Variants in MPHOSPH10 observed in about 807,000 individuals in gnomAD.
MPHOSPH10 encodes U3 small nucleolar ribonucleoprotein MPP10.
A neutral mutation model predicts 77.3 loss-of-function variants in MPHOSPH10; 33 were observed. That is an observed-to-expected ratio of 0.43 (90% confidence interval 0.32 to 0.57). MPHOSPH10 has a LOEUF of 0.57. Among genes scored for constraint, MPHOSPH10 ranks in the 20% least tolerant of loss-of-function variants. MPHOSPH10 has a pLI of 0.07. For missense variants in MPHOSPH10, 708 were observed against 780.1 expected (o/e 0.91, Z 1.10); for synonymous variants, 245 against 268.0 (o/e 0.91, Z 0.84).
chr2:71,143,975 G>T (rs886639548), intron 7 of MPHOSPH10, among the ~76,000 whole-genome samples: 6 of 152,178 alleles, frequency 3.9e-5, no homozygotes, highest in African/African-American at 1.2e-4. Flanking sequence ...GGGTCAGATG[G>T]TAATTCTCTG....
chr2:71,130,819 T>A, intron 1 of MPHOSPH10, 65 bp downstream of exon 1: 1 of 1,468,810 alleles, frequency 6.8e-7, no homozygotes. Context: ...GTTGCAGGCC[T>A]CCGGCAAATT....
chr2:71,147,411 T>C (rs925191579), intron 8 of MPHOSPH10, among the ~76,000 whole-genome samples: 3 of 152,148 alleles, frequency 2.0e-5, no homozygotes, highest in African/African-American at 7.2e-5. Flanking sequence ...TGGTGGCTCA[T>C]GCCTGTAATC....
chr2:71,142,794 C>T (rs1213121908), intron 7 of MPHOSPH10, among the ~76,000 whole-genome samples: 2 of 152,150 alleles, frequency 1.3e-5, no homozygotes, highest in African/African-American at 4.8e-5. Context: ...TGATGATGGA[C>T]ATTGGAAACA....
intron 5 of MPHOSPH10, 160 bp downstream of exon 5, chr2:71,138,791 T>G (rs758646782): frequency 9.8e-7 from 1 of 1,021,486 alleles, no homozygotes; most frequent in Non-Finnish European, 1.5e-6. Flanking sequence ...TCCCGGCACT[T>G]TGGGAGGCCG....
intron 5 of MPHOSPH10, 166 bp downstream of exon 5, chr2:71,138,797 G>A: frequency 1.1e-6 from 1 of 942,526 alleles, no homozygotes; most frequent in Non-Finnish European, 1.7e-6. Flanking sequence ...CACTTTGGGA[G>A]GCCGAGGCAG....
chr2:71,150,062 G>A lies in MPHOSPH10; in HGVS notation c.*47G>A, dbSNP rs545306234. On this transcript the variant is annotated 3_prime_UTR_variant, in exon 11 of 11. Coordinates refer to ENST00000244230, the MANE Select transcript of MPHOSPH10 (RefSeq NM_005791.3). Reference sequence around the variant, plus strand: ...ATATTAATGTGTAAGCTTATATTGTGTCATTGTTCTGTTTTATAATAAAAT... The same window carrying A: ...ATATTAATGTGTAAGCTTATATTGTATCATTGTTCTGTTTTATAATAAAAT... 3.0e-6 allele frequency: 3 copies of A among 998,480 alleles called. No individual in the cohort carries two copies. Among genetic ancestry groups the A allele is most frequent in the Admixed American group, 7.1e-5 (2 of 28,304 alleles). The allele number at this position is 998,480 out of a possible 1,614,324, so 61.9% of individuals were successfully genotyped here.
intron 7 of MPHOSPH10, among the ~76,000 whole-genome samples, chr2:71,141,734 A>C (rs1244789337): frequency 6.6e-6 from 1 of 152,108 alleles, no homozygotes; most frequent in Admixed American, 6.6e-5. Flanking sequence ...TCTTTCACTT[A>C]ACTAAAATCT....
chr2:71,138,649 G>A lies in MPHOSPH10; in HGVS notation c.1240+18G>A, dbSNP rs1203281946. On this transcript the variant is annotated intron_variant, in intron 5 of 10. Transcript: ENST00000244230. Reference sequence around the variant, plus strand: ...CCGGATGGGTATGGTGCCCTCTTCTGTAGTTTTCATGTCTGTGCTTTTTCC... The same window carrying A: ...CCGGATGGGTATGGTGCCCTCTTCTATAGTTTTCATGTCTGTGCTTTTTCC... 2 of 1,613,940 alleles carry A rather than the reference G, an allele frequency of 1.2e-6. No homozygotes were observed. The highest frequency in any genetic ancestry group is 1.3e-5 in the African/African-American group (1 of 74,918).
intron 7 of MPHOSPH10, 84 bp from the exon 8 acceptor site, chr2:71,144,343 GA>G (rs1673668791): frequency 2.8e-5 from 28 of 1,007,500 alleles, no homozygotes; most frequent in Non-Finnish European, 4.0e-5. Flanking sequence ...TGAGAAGTTA[GA>G]AATACTCTCA....
chr2:71,135,958 G>A (rs980641910), intron 4 of MPHOSPH10, among the ~76,000 whole-genome samples: 6 of 152,090 alleles, frequency 3.9e-5, no homozygotes, highest in Admixed American at 6.6e-5. Context: ...ACCCACCTTG[G>A]CCTCCCAAAG....
intron 9 of MPHOSPH10, 41 bp from the exon 10 acceptor site, chr2:71,149,182 A>G: frequency 6.6e-7 from 1 of 1,508,066 alleles, no homozygotes; most frequent in Non-Finnish European, 8.9e-7. Context: ...CTAGTTGTTA[A>G]ACTTGATGAA....
At chr2:71,136,262 C>T (rs1673487378) in intron 4 of MPHOSPH10, among the ~76,000 whole-genome samples, 1 of 152,136 alleles carries the variant, frequency 6.6e-6, no homozygotes, top group Non-Finnish European at 1.5e-5. Context: ...TGGCTCACAC[C>T]TGCACTTTGG....
intron 5 of MPHOSPH10, chr2:71,139,007 G>A (rs1158117110): frequency 2.1e-5 from 10 of 485,556 alleles, no homozygotes; most frequent in African/African-American, 5.8e-5. Flanking sequence ...GTGCTCCAGC[G>A]TGGGCAGCCT....
intron 4 of MPHOSPH10, among the ~76,000 whole-genome samples, chr2:71,135,657 C>T (rs1673473728): frequency 6.6e-6 from 1 of 151,198 alleles, no homozygotes; most frequent in East Asian, 1.9e-4. Context: ...TTAACTGTTT[C>T]CACTGTTTTG....
At chr2:71,141,097 C>CTATTAATATATTAATGATAATT (rs1362897859) in intron 6 of MPHOSPH10, 135 bp from the exon 7 acceptor site, 76 of 372,940 alleles carry the variant, frequency 2.0e-4, no homozygotes, top group African/African-American at 1.6e-3. Context: ...ATATAATTTA[C>CTATTAATATATTAATGATAATT]TATTAATATA....
chr2:71,134,140 T>G (rs1673440908), intron 3 of MPHOSPH10, 35 bp downstream of exon 3: 1 of 1,579,628 alleles, frequency 6.3e-7, no homozygotes, highest in African/African-American at 1.4e-5. Context: ...CATTGTAAGC[T>G]GGAATTGCCC....
rs769216149 is a variant in MPHOSPH10, at chr2:71,133,541, G to T, written c.733G>T (p.Asp245Tyr). The change falls in exon 2 of 11, where the codon GAT becomes TAT. Residue 245 changes from aspartate to tyrosine, a missense_variant. Around this residue, in one of 3 missense-constraint regions of MPHOSPH10, gnomAD observed 433 missense variants for 432.6 expected, o/e 1.00. Transcript: ENST00000244230. ...DFFEDIDSDE[D>Y]EGGLFGSKKL... ...TTTTGAAGATATTGATTCTGATGAAGATGAAGGGGGACTGTTTGGAAGTAA... is the reference window on the plus strand; with the variant it reads ...TTTTGAAGATATTGATTCTGATGAATATGAAGGGGGACTGTTTGGAAGTAA... 1.9e-6 allele frequency: 3 copies of T among 1,606,642 alleles called. No individual in the cohort carries two copies. Among genetic ancestry groups the T allele is most frequent in the Middle Eastern group, 1.7e-4 (1 of 6,010 alleles).
Position 71,144,547 on chromosome 2 carries a change from G to GTTAA in MPHOSPH10, c.1557+10_1557+13dup, listed in dbSNP as rs1673673030. On this transcript the variant is annotated intron_variant, in intron 8 of 10. Coordinates refer to ENST00000244230, the MANE Select transcript of MPHOSPH10 (RefSeq NM_005791.3). ...ACTTTATCCCTAAACCGGTAAGTGT[G>GTTAA]TTAACAGTTCAGTGTGTAGCTAGAG... is the stretch of plus-strand genomic sequence containing the variant. 1 of 1,590,902 alleles carries GTTAA rather than the reference G, an allele frequency of 6.3e-7. No homozygotes were observed. The highest frequency in any genetic ancestry group is 8.6e-7 in the Non-Finnish European group (1 of 1,159,140).
chr2:71,134,902 C>T, intron 4 of MPHOSPH10, 105 bp downstream of exon 4: 1 of 922,798 alleles, frequency 1.1e-6, no homozygotes, highest in South Asian at 1.7e-5. Context: ...TGCAGTGGCT[C>T]ACGCCTGTAA....
Sources: gnomAD v4.1 joint callset for allele counts (sites outside exome capture counted in the v4.1 genomes callset) on GRCh38, gnomAD v4.1.1 for gene constraint, gnomAD v4.1.1 regional missense constraint, MANE v1.5 for transcripts, NCBI Gene and HGNC (gene_info 2026-07-23, HGNC 2026-07-21) for gene names.